The following EYA3 variants were observed in gnomAD, a reference collection of about 807,000 sequenced individuals.
EYA3 encodes the protein EYA transcriptional coactivator and phosphatase 3.
EYA3 carries 39 observed loss-of-function variants against 80.0 expected under a neutral mutation model. The ratio of observed to expected loss-of-function variants is 0.49; its 90% CI spans 0.38 to 0.64. The LOEUF (loss-of-function observed/expected upper bound fraction) is 0.64. EYA3 is among the 30% of genes least tolerant of loss of function. The pLI, the probability that EYA3 is intolerant of heterozygous loss-of-function variation, is 0.00. For missense variants in EYA3, 523 were observed against 676.1 expected, an observed-to-expected ratio of 0.77 and a Z score of 2.51; for synonymous variants, 206 against 232.8, an observed-to-expected ratio of 0.88 and a Z score of 1.05.
intron 6 of EYA3, among the ~76,000 whole-genome samples, chr1:28,033,660 A>T (rs200837348): frequency 0.091 from 9,018 of 98,742 alleles, 507 homozygotes; most frequent in African/African-American, 0.18. Context: ...TATTATTATT[A>T]TTATTATTAT....
intron 1 of EYA3, among the ~76,000 whole-genome samples, chr1:28,076,515 A>G (rs899390277): frequency 2.0e-5 from 3 of 151,888 alleles, no homozygotes; most frequent in Non-Finnish European, 2.9e-5. Context: ...GTTCAAGACC[A>G]GCCTGGCCCA....
intron 11 of EYA3, among the ~76,000 whole-genome samples, chr1:28,002,917 C>T (rs549689222): frequency 1.3e-4 from 19 of 151,674 alleles, no homozygotes; most frequent in African/African-American, 3.4e-4. Context: ...GGCTGGAGTT[C>T]GAGTCCAGCC....
intron 6 of EYA3, chr1:28,031,930 T>C (rs1409439215): frequency 6.6e-6 from 1 of 152,132 alleles, no homozygotes; most frequent in Admixed American, 6.5e-5. Context: ...GCAGTGGCTA[T>C]TCACAGGCAT....
At chr1:28,030,681 A>G (rs909244437) in intron 6 of EYA3, among the ~76,000 whole-genome samples, 2 of 152,256 alleles carry the variant, frequency 1.3e-5, no homozygotes, top group Non-Finnish European at 2.9e-5. Context: ...ACTGAGGAAT[A>G]CTGACATCGC....
At chr1:27,993,799 C>G (rs1340585264) in intron 13 of EYA3, among the ~76,000 whole-genome samples, 1 of 152,156 alleles carries the variant, frequency 6.6e-6, no homozygotes, top group Non-Finnish European at 1.5e-5. Flanking sequence ...AATTCAAGCA[C>G]CAGCATTCCT....
chr1:27,998,894 G>A (rs1640636152), intron 12 of EYA3, among the ~76,000 whole-genome samples: 1 of 152,004 alleles, frequency 6.6e-6, no homozygotes, highest in African/African-American at 2.4e-5. Flanking sequence ...TCAGCCTCCT[G>A]AGTAGCTGGG....
rs762792497 is a variant in EYA3, at chr1:28,041,665, A to ATTTAT, written c.157+901_157+905dup. ...AGACTTCAAATGAACCAAAGTTTTTATTTATTTTATTTTATTTTATTTTTT... is the reference window on the plus strand; with the variant it reads ...AGACTTCAAATGAACCAAAGTTTTTATTTATTTTATTTTATTTTATTTTATTTTTT... On this transcript the variant is annotated intron_variant, in intron 4 of 17. Coordinates refer to ENST00000373871, the MANE Select transcript of EYA3 (RefSeq NM_001990.4). 5.3e-5 allele frequency among the ~76,000 whole-genome samples: 8 copies of ATTTAT among 152,072 alleles called. No homozygotes were observed. The East Asian group carries it at 5.8e-4, about 11-fold the overall frequency.
intron 3 of EYA3, among the ~76,000 whole-genome samples, chr1:28,043,350 G>C: frequency 6.9e-6 from 1 of 144,062 alleles, no homozygotes; most frequent in Non-Finnish European, 1.5e-5. Flanking sequence ...AAAAAAACGT[G>C]AAAACACTTA....
At chr1:27,984,802 CACT>C (rs1313704242) in intron 16 of EYA3, among the ~76,000 whole-genome samples, 1 of 152,064 alleles carries the variant, frequency 6.6e-6, no homozygotes, top group Non-Finnish European at 1.5e-5. Context: ...ACTCTAGAGC[CACT>C]ACTTCATTTT....
rs1638700135 is a variant in EYA3, at chr1:27,970,837, AC to A, written c.*3628del. On this transcript the variant is annotated 3_prime_UTR_variant, in exon 18 of 18. Coordinates refer to ENST00000373871, the MANE Select transcript of EYA3 (RefSeq NM_001990.4). Reference sequence around the variant, plus strand: ...TTGAGGAGTAAGGAGTCAGAGGAAGACCCTAAGCTCACCATTCCTTGGCCCA... The same window carrying A: ...TTGAGGAGTAAGGAGTCAGAGGAAGACCTAAGCTCACCATTCCTTGGCCCA... 6.6e-6 allele frequency: 1 copy of A among 152,086 alleles called. No individual in the cohort carries two copies. The highest frequency in any genetic ancestry group is 1.5e-5 in the Non-Finnish European group (1 of 68,036). The allele number at this position is 152,086 out of a possible 1,614,324, so 9.4% of individuals were successfully genotyped here.
intron 16 of EYA3, 108 bp downstream of exon 16, chr1:27,988,427 G>T (rs1280653986): frequency 1.7e-6 from 2 of 1,203,454 alleles, no homozygotes; most frequent in Non-Finnish European, 1.2e-6. Flanking sequence ...AGGACTGTAG[G>T]TATTACAAAT....
rs1243917603 is a variant in EYA3 at position 27,974,303 on chromosome 1, AAGGGAGGG to A, written c.*155_*162del. 1 of 449,434 alleles carries A rather than the reference AAGGGAGGG, an allele frequency of 2.2e-6. No homozygotes were observed. The allele number at this position is 449,434 out of a possible 1,614,324, so 27.8% of individuals were successfully genotyped here. On this transcript the variant is annotated 3_prime_UTR_variant, in exon 18 of 18. Transcript: ENST00000373871. ...AGAGGCAGAGAGGGAGGGAGAGAGG[AAGGGAGGG>A]AGGGAGAGAGGGAGAGAGAGAAAGA...
intron 7 of EYA3, among the ~76,000 whole-genome samples, chr1:28,025,698 C>G (rs1002716227): frequency 3.3e-5 from 5 of 152,156 alleles, no homozygotes; most frequent in African/African-American, 1.2e-4. Flanking sequence ...TAACAGATAA[C>G]AAATAAGAAT....
intron 11 of EYA3, among the ~76,000 whole-genome samples, chr1:28,001,444 T>C (rs932868170): frequency 7.3e-5 from 11 of 150,622 alleles, no homozygotes; most frequent in Non-Finnish European, 1.6e-4. Flanking sequence ...TATGTGTATA[T>C]GTAAATATAT....
intron 10 of EYA3, 59 bp from the exon 11 acceptor site, chr1:28,004,478 G>T: frequency 1.6e-6 from 2 of 1,249,290 alleles, no homozygotes; most frequent in Non-Finnish European, 2.3e-6. Flanking sequence ...AATGAAACCA[G>T]AAATCAATAA....
intron 1 of EYA3, among the ~76,000 whole-genome samples, chr1:28,060,880 GGCGCAA>G (rs1481824885): frequency 6.6e-6 from 1 of 152,174 alleles, no homozygotes; most frequent in Admixed American, 6.5e-5. Context: ...TGGGCGTGGT[GGCGCAA>G]GCCTGTAGTC....
intron 2 of EYA3, among the ~76,000 whole-genome samples, chr1:28,055,058 T>C (rs1281334106): frequency 1.3e-5 from 2 of 152,228 alleles, no homozygotes; most frequent in African/African-American, 4.8e-5. Flanking sequence ...TTATATATTT[T>C]CTCTAAGAAC....
At chr1:28,076,781 C>A (rs1645226062) in intron 1 of EYA3, among the ~76,000 whole-genome samples, 1 of 140,278 alleles carries the variant, frequency 7.1e-6, no homozygotes, top group South Asian at 2.2e-4. Flanking sequence ...GCTCTCATTG[C>A]CCAGGCTGGA....
intron 6 of EYA3, among the ~76,000 whole-genome samples, chr1:28,028,582 C>CTT (rs35508691): frequency 3.5e-4 from 50 of 143,224 alleles, no homozygotes; most frequent in Admixed American, 1.1e-3. Context: ...TCTTCTTCTT[C>CTT]TTTTTTTTTT....
Sources: allele counts gnomAD v4.1 joint callset (sites outside exome capture counted in the v4.1 genomes callset), GRCh38; gene constraint gnomAD v4.1.1; transcripts MANE v1.5; gene names NCBI Gene and HGNC (gene_info 2026-07-23, HGNC 2026-07-21).